Variants in EPHA6 observed in about 807,000 individuals in gnomAD.
EPHA6 encodes ephrin type-A receptor 6.
A neutral mutation model predicts 112.0 loss-of-function variants in EPHA6; 50 were observed. The observed-to-expected ratio is 0.45, with a 90% CI of 0.36 to 0.56. The LOEUF (loss-of-function observed/expected upper bound fraction) is 0.56. Ranked by LOEUF, EPHA6 falls within the 20% of genes least tolerant of loss-of-function variation. EPHA6 has a pLI of 0.00. For synonymous variants in EPHA6, 529 were observed against 490.7 expected (o/e 1.08, Z -1.03); for missense variants, 1,280 against 1,417.4 (o/e 0.90, Z 1.56).
chr3:96,837,654 T>C (rs537103492), intron 1 of EPHA6, among the ~76,000 whole-genome samples: 2 of 152,258 alleles, frequency 1.3e-5, no homozygotes, highest in East Asian at 3.9e-4. Flanking sequence ...ATGTCTTTAA[T>C]ACCTTTAAAT....
chr3:96,868,004 A>AG (rs2036416511), intron 2 of EPHA6, among the ~76,000 whole-genome samples: 1 of 151,956 alleles, frequency 6.6e-6, no homozygotes, highest in East Asian at 1.9e-4. Context: ...ACTGTTTCTG[A>AG]GGTATATATC....
intron 5 of EPHA6, among the ~76,000 whole-genome samples, chr3:97,252,705 C>T (rs2079177936): frequency 6.6e-6 from 1 of 152,180 alleles, no homozygotes; most frequent in Non-Finnish European, 1.5e-5. Flanking sequence ...TAGTGGGAGG[C>T]TGAACCTAGA....
chr3:97,265,694 AG>A (rs2079656099), intron 5 of EPHA6, among the ~76,000 whole-genome samples: 1 of 152,170 alleles, frequency 6.6e-6, no homozygotes, highest in African/African-American at 2.4e-5. Context: ...TGAGGTTTGC[AG>A]GCAGCCCCAG....
At chr3:97,034,560 C>G (rs943621902) in intron 3 of EPHA6, among the ~76,000 whole-genome samples, 7 of 151,874 alleles carry the variant, frequency 4.6e-5, no homozygotes, top group Admixed American at 4.6e-4. Flanking sequence ...CTTAAAGTCA[C>G]CTCCAGCTAT....
At chr3:96,892,177 C>T (rs900801474) in intron 2 of EPHA6, among the ~76,000 whole-genome samples, 9 of 152,152 alleles carry the variant, frequency 5.9e-5, no homozygotes, top group African/African-American at 2.2e-4. Context: ...TACACACACA[C>T]CTCTCTGTGC....
intron 13 of EPHA6, among the ~76,000 whole-genome samples, chr3:97,630,368 A>G (rs1388384138): frequency 6.6e-6 from 1 of 151,984 alleles, no homozygotes; most frequent in Non-Finnish European, 1.5e-5. Context: ...ATAGTTACTT[A>G]TTTATTTGGT....
intron 7 of EPHA6, among the ~76,000 whole-genome samples, chr3:97,459,033 C>T (rs2090795865): frequency 6.6e-6 from 1 of 152,058 alleles, no homozygotes; most frequent in African/African-American, 2.4e-5. Flanking sequence ...AGGAAAGCTG[C>T]CAAAAGGTAA....
intron 2 of EPHA6, among the ~76,000 whole-genome samples, chr3:96,955,824 A>G (rs1346006531): frequency 6.6e-6 from 1 of 152,196 alleles, no homozygotes; most frequent in Non-Finnish European, 1.5e-5. Flanking sequence ...AGATGAATGC[A>G]TTTTAATTAA....
chr3:97,541,114 G>A (rs1193341042), intron 11 of EPHA6, among the ~76,000 whole-genome samples: 3 of 151,444 alleles, frequency 2.0e-5, no homozygotes, highest in African/African-American at 7.3e-5. Flanking sequence ...CCCTTTTAAT[G>A]CAATTTCTAG....
intron 2 of EPHA6, among the ~76,000 whole-genome samples, chr3:96,983,868 A>G (rs1401831521): frequency 6.6e-6 from 1 of 152,174 alleles, no homozygotes; most frequent in African/African-American, 2.4e-5. Flanking sequence ...TTGTGAATTC[A>G]TCACATAGTT....
At chr3:97,210,614 T>C (rs1444295803) in intron 3 of EPHA6, among the ~76,000 whole-genome samples, 1 of 152,158 alleles carries the variant, frequency 6.6e-6, no homozygotes, top group Non-Finnish European at 1.5e-5. Flanking sequence ...ATATAATGGG[T>C]AACTAATGAT....
intron 14 of EPHA6, among the ~76,000 whole-genome samples, chr3:97,660,736 A>T (rs1396931997): frequency 1.3e-5 from 2 of 152,080 alleles, no homozygotes. Flanking sequence ...ATTCATTGTG[A>T]TGACAAAGGG....
chr3:97,502,226 T>C (rs2092140031), intron 10 of EPHA6, among the ~76,000 whole-genome samples: 1 of 145,444 alleles, frequency 6.9e-6, no homozygotes, highest in African/African-American at 2.6e-5. Context: ...TGGAGTGCAA[T>C]GGTGCAATCT....
At chr3:97,721,302 C>A (rs1453945596) in intron 15 of EPHA6, among the ~76,000 whole-genome samples, 1 of 152,202 alleles carries the variant, frequency 6.6e-6, no homozygotes, top group Non-Finnish European at 1.5e-5. Context: ...AACCCACACA[C>A]ACCTCCACAC....
chr3:96,999,373 G>T (rs2043544470), intron 3 of EPHA6, among the ~76,000 whole-genome samples: 1 of 151,904 alleles, frequency 6.6e-6, no homozygotes, highest in Non-Finnish European at 1.5e-5. Flanking sequence ...GTAATTCAGG[G>T]ATCCAGACTT....
At chr3:97,142,595 A>G (rs1444928598) in intron 3 of EPHA6, among the ~76,000 whole-genome samples, 1 of 151,958 alleles carries the variant, frequency 6.6e-6, no homozygotes, top group East Asian at 1.9e-4. Flanking sequence ...GAAACATACA[A>G]CTTCCCAAGG....
At chr3:97,655,828 G>A (rs1374992257) in intron 14 of EPHA6, among the ~76,000 whole-genome samples, 1 of 151,610 alleles carries the variant, frequency 6.6e-6, no homozygotes, top group African/African-American at 2.4e-5. Flanking sequence ...AATGGGTGCA[G>A]CACACCAACA....
At chr3:96,943,670 G>A (rs184191304) in intron 2 of EPHA6, among the ~76,000 whole-genome samples, 30 of 152,236 alleles carry the variant, frequency 2.0e-4, no homozygotes, top group African/African-American at 2.9e-4. Context: ...ATAATGTAGC[G>A]TTCTTTCACT....
chr3:96,853,106 A>G (rs2035492549), intron 1 of EPHA6, among the ~76,000 whole-genome samples: 1 of 152,104 alleles, frequency 6.6e-6, no homozygotes, highest in Non-Finnish European at 1.5e-5. Flanking sequence ...CCATACCTCC[A>G]TATATTCACA....
Sources: gnomAD v4.1 joint callset for allele counts (sites outside exome capture counted in the v4.1 genomes callset) on GRCh38, gnomAD v4.1.1 for gene constraint, MANE v1.5 for transcripts, NCBI Gene and HGNC (gene_info 2026-07-23, HGNC 2026-07-21) for gene names.